LETM1: variants seen among roughly 807,000 people sequenced by gnomAD.
LETM1 encodes leucine zipper and EF-hand containing transmembrane protein 1, also known as mitochondrial proton/calcium exchanger protein.
LETM1 carries 50 observed loss-of-function variants against 74.5 expected under a neutral mutation model. The observed-to-expected ratio is 0.67, with a 90% CI of 0.53 to 0.85. The LOEUF (loss-of-function observed/expected upper bound fraction) is 0.85, where lower values mean the gene tolerates loss of function less well. Among genes scored for constraint, LETM1 ranks in the 40% least tolerant of loss-of-function variants. The pLI, the probability that LETM1 is intolerant of heterozygous loss-of-function variation, is 0.00. For missense variants in LETM1, 824 were observed against 967.8 expected (o/e 0.85, Z 1.97); for synonymous variants, 446 against 407.1 (o/e 1.10, Z -1.15).
intron 7 of LETM1, among the ~76,000 whole-genome samples, chr4:1,824,817 C>G (rs569123136): frequency 6.6e-6 from 1 of 152,360 alleles, no homozygotes; most frequent in South Asian, 2.1e-4. Context: ...ATGCCAGACA[C>G]AGAGAAGGCT....
intron 6 of LETM1, among the ~76,000 whole-genome samples, chr4:1,826,036 T>C (rs1577314433): frequency 6.6e-6 from 1 of 152,214 alleles, no homozygotes; most frequent in South Asian, 2.1e-4. Flanking sequence ...GAAGGAGGGA[T>C]GGAAGGCGAG....
chr4:1,844,608 G>A (rs541857300), intron 2 of LETM1, among the ~76,000 whole-genome samples: 1 of 152,120 alleles, frequency 6.6e-6, no homozygotes, highest in East Asian at 1.9e-4. Flanking sequence ...GCACACACCT[G>A]TAATCTCAGT....
At chr4:1,833,268 C>G (rs992856876) in intron 5 of LETM1, 12 of 338,208 alleles carry the variant, frequency 3.5e-5, no homozygotes, top group Non-Finnish European at 5.1e-5. Flanking sequence ...TGGGATTTCA[C>G]TATGTTGGCC....
rs1712464427 is a variant in LETM1, at chr4:1,836,416, A to T, written c.738+13T>A. 1.2e-6 allele frequency: 2 copies of T among 1,613,556 alleles called. No individual in the cohort carries two copies. On this transcript the variant is annotated intron_variant, in intron 4 of 13. Coordinates refer to ENST00000302787, the MANE Select transcript of LETM1 (RefSeq NM_012318.3). The surrounding 1 kb of genome is among the most constrained non-coding windows in gnomAD (Gnocchi z 5.8). ...ACTCATTCTAAAACAAGCAGTTGGG[A>T]TGCTGCCCTTACCTTGAGTGACTGA...
At chr4:1,817,052 C>A in intron 11 of LETM1, 138 bp from the exon 12 acceptor site, 2 of 644,268 alleles carry the variant, frequency 3.1e-6, no homozygotes, top group Non-Finnish European at 5.3e-6. Context: ...TCGAGACCAG[C>A]CTGGCCAATG....
chr4:1,828,714 C>A (rs867407135), intron 6 of LETM1, among the ~76,000 whole-genome samples: 1 of 132,952 alleles, frequency 7.5e-6, no homozygotes, highest in African/African-American at 3.0e-5. Flanking sequence ...CCGGATGGGG[C>A]GGCTGGCCGG....
Position 1,841,464 on chromosome 4 carries a change from G to A in LETM1, c.477C>T (p.Asp159=), listed in dbSNP as rs368052273. Residue 159 remains aspartate, a synonymous_variant, in exon 3 of 14, where the codon GAC becomes GAT. Transcript: ENST00000302787. ...AGCCATGGTAGTAGTGCTTCAGCTC[G>A]TCCAGCACCCGCTGCCCCAGGGACT... ...VKKSLGQRVL[D]ELKHYYHGFR... 57 of 1,614,232 alleles carry A rather than the reference G, an allele frequency of 3.5e-5. No homozygotes were observed. Among genetic ancestry groups the A allele is most frequent in the East Asian group, 2.0e-4 (9 of 44,886 alleles).
At chr4:1,839,378 A>C (rs896481198) in intron 3 of LETM1, 2 of 152,340 alleles carry the variant, frequency 1.3e-5, no homozygotes, top group African/African-American at 4.8e-5. Flanking sequence ...GCAGAGGTGC[A>C]CCTGTGCAGA....
rs545334385 is a variant in LETM1, at chr4:1,816,365, A to G, written c.1931+362T>C. On this transcript the variant is annotated intron_variant, in intron 12 of 13. Coordinates refer to ENST00000302787, the MANE Select transcript of LETM1 (RefSeq NM_012318.3). ...ATCTGGGACATGTCGGGCACAGAGA[A>G]GGCCGACTGCCCGAGCTGGTGTCAT... Among the ~76,000 whole-genome samples, 39 of 152,334 alleles carry G rather than the reference A, an allele frequency of 2.6e-4. 1 individual carries two copies. Among genetic ancestry groups the G allele is most frequent in the African/African-American group, 9.4e-4 (39 of 41,584 alleles).
intron 9 of LETM1, chr4:1,822,688 C>T: frequency 2.8e-6 from 1 of 355,862 alleles, no homozygotes; most frequent in African/African-American, 2.1e-5. Context: ...TCTGCCAGCG[C>T]CCCTCACAGC....
chr4:1,856,015 C>T lies in LETM1; in HGVS notation c.-65G>A. The T allele has an allele frequency of 9.5e-7, 1 of 1,057,228 alleles. No homozygotes were observed. Among genetic ancestry groups the T allele is most frequent in the Non-Finnish European group, 1.2e-6 (1 of 838,744 alleles). 65.5% of individuals were successfully genotyped at this position (1,057,228 alleles called of 1,614,324 possible). On this transcript the variant is annotated 5_prime_UTR_variant, in exon 1 of 14. Coordinates refer to ENST00000302787, the MANE Select transcript of LETM1 (RefSeq NM_012318.3). Reference sequence around the variant, plus strand: ...CTCCTTCTCCGCGGCGGCCGCGGCTCTTCGCCGTCCCGGCGGCGCTTCAGA... The same window carrying T: ...CTCCTTCTCCGCGGCGGCCGCGGCTTTTCGCCGTCCCGGCGGCGCTTCAGA...
In LETM1 at chr4:1,834,992, C is replaced by T; in HGVS notation, c.739-10G>A. The stretch of plus-strand genomic sequence containing the variant: ...TCTTCAGCCTCTCCTCCTGCAAGGG[C>T]AGAGAGGGCACTGCATTCCAACTGC... On this transcript the variant is annotated splice_polypyrimidine_tract_variant and intron_variant, in intron 4 of 13. Transcript: ENST00000302787. The surrounding 1 kb of genome is among the most constrained non-coding windows in gnomAD (Gnocchi z 5.0). 1 of 1,613,220 alleles carries T rather than the reference C, an allele frequency of 6.2e-7. No homozygotes were observed. Among genetic ancestry groups the T allele is most frequent in the Non-Finnish European group, 8.5e-7 (1 of 1,179,586 alleles).
intron 4 of LETM1, among the ~76,000 whole-genome samples, chr4:1,835,546 TA>T (rs1179580340): frequency 2.0e-5 from 3 of 152,212 alleles, no homozygotes; most frequent in African/African-American, 7.2e-5. Context: ...CGTAATGGGC[TA>T]GACAGGAAGG....
chr4:1,849,342 G>T, intron 1 of LETM1, 133 bp from the exon 2 acceptor site: 1 of 647,572 alleles, frequency 1.5e-6, no homozygotes, highest in South Asian at 1.7e-5. Context: ...TCGGCTCACT[G>T]CAACCTCCAC....
In LETM1 at chr4:1,816,745, G is replaced by C. The variant is rs531230067; in HGVS notation, c.1913C>G (p.Ala638Gly). 3 of 1,614,080 alleles carry C rather than the reference G, an allele frequency of 1.9e-6. No individual in the cohort carries two copies. Among genetic ancestry groups the C allele is most frequent in the South Asian group, 2.2e-5 (2 of 91,088 alleles). Residue 638 changes from alanine to glycine, a missense_variant, in exon 12 of 14, where the codon GCC (alanine) becomes GGC (glycine). Ala to Gly is a moderately conservative substitution (Grantham distance 60). Transcript: ENST00000302787. ...MDQQAGKLAP[A>G]NGMPTGENVI... ...CACTCACCCCGTGGGCATGCCGTTG[G>C]CCGGGGCCAGCTTGCCAGCCTGCTG...
At chr4:1,826,161 T>C (rs1195328798) in intron 6 of LETM1, among the ~76,000 whole-genome samples, 1 of 151,996 alleles carries the variant, frequency 6.6e-6, no homozygotes, top group Non-Finnish European at 1.5e-5. Context: ...GTCCCAGAGG[T>C]AGAGGACACC....
rs529267751 is a variant in LETM1, at chr4:1,827,124, C to T, written c.1081-1441G>A. 9.8e-5 allele frequency among the ~76,000 whole-genome samples: 15 copies of T among 152,328 alleles called. No individual in the cohort carries two copies. The South Asian group carries it at 3.1e-3, about 32-fold the overall frequency. ...TGCTGCGCCGAGGTACTTTCTCTTA[C>T]TGTTTCCTTTCTGGTCGAGGAGCTT... On this transcript the variant is annotated intron_variant, in intron 6 of 13. Coordinates refer to ENST00000302787, the MANE Select transcript of LETM1 (RefSeq NM_012318.3).
At position 1,822,272 on chromosome 4, in the gene LETM1, C is replaced by T; in HGVS notation, c.1517G>A (p.Arg506Lys). 6.5e-7 allele frequency: 1 copy of T among 1,540,298 alleles called. No individual in the cohort carries two copies. Among genetic ancestry groups the T allele is most frequent in the South Asian group, 1.2e-5 (1 of 82,092 alleles). Residue 506 changes from arginine to lysine, a missense_variant, in exon 10 of 14, where the codon AGG becomes AAG. Coordinates refer to ENST00000302787, the MANE Select transcript of LETM1 (RefSeq NM_012318.3). ...EPERVVAAPQ[R>K]PGTEPQPEMP... ...TTCTGGCTGTGGCTCGGTCCCCGGC[C>T]TTTGGGGAGCAGCTACCACACGTTC... is the stretch of plus-strand genomic sequence containing the variant.
chr4:1,856,085 G>T lies in LETM1; in HGVS notation c.-135C>A. On this transcript the variant is annotated 5_prime_UTR_variant, in exon 1 of 14. Coordinates refer to ENST00000302787, the MANE Select transcript of LETM1 (RefSeq NM_012318.3). ...TGACAGAGGCGGCTGGCCTCGGACG[G>T]GAGGCGCTCTCCTCAAGGACCCGGC... The T allele has an allele frequency of 2.3e-6, 1 of 444,146 alleles. No individual in the cohort carries two copies. Among genetic ancestry groups the T allele is most frequent in the Non-Finnish European group, 3.5e-6 (1 of 282,790 alleles). 27.5% of individuals were successfully genotyped at this position (444,146 alleles called of 1,614,324 possible). A position where few individuals can be genotyped will look rare whatever the true frequency, so the allele number is the denominator to read the frequency against.
Sources: allele counts gnomAD v4.1 joint callset (sites outside exome capture counted in the v4.1 genomes callset), GRCh38; gene constraint gnomAD v4.1.1; non-coding constraint Gnocchi (gnomAD v3.1); transcripts MANE v1.5; gene names NCBI Gene and HGNC (gene_info 2026-07-23, HGNC 2026-07-21).